Variants in CCDC7 observed in about 807,000 individuals in gnomAD.
The protein encoded by CCDC7 is coiled-coil domain-containing protein 7.
Under a neutral mutation model 196.9 loss-of-function variants are expected in CCDC7, and 183 were observed. The observed-to-expected ratio is 0.93, with a 90% CI of 0.82 to 1.05. The LOEUF is 1.05. CCDC7 is among the 50% of genes least tolerant of loss of function. The probability of loss-of-function intolerance (pLI) is 0.00; values close to 1 mark genes in which losing one functional copy is unlikely to be tolerated. For missense variants in CCDC7, 1,540 were observed against 1,482.2 expected, an observed-to-expected ratio of 1.04 and a Z score of -0.64; for synonymous variants, 525 against 484.6, an observed-to-expected ratio of 1.08 and a Z score of -1.10.
upstream of CCDC7, among the ~76,000 whole-genome samples, chr10:32,448,317 T>G (rs983555532): frequency 6.6e-6 from 1 of 151,708 alleles, no homozygotes; most frequent in African/African-American, 2.4e-5. Flanking sequence ...TATTTTTAAT[T>G]TTAATTTTTT....
intron 28 of CCDC7, among the ~76,000 whole-genome samples, chr10:32,746,494 C>G (rs2074762423): frequency 6.6e-6 from 1 of 152,150 alleles, no homozygotes; most frequent in Non-Finnish European, 1.5e-5. Flanking sequence ...TCCCTCAAGG[C>G]TTGCCATGCT....
At chr10:32,499,752 CTTCCGCA>C (rs1012598894) in intron 9 of CCDC7, among the ~76,000 whole-genome samples, 1 of 152,096 alleles carries the variant, frequency 6.6e-6, no homozygotes, top group African/African-American at 2.4e-5. Context: ...GCCCTGCCGC[CTTCCGCA>C]GTGTTTGTGT....
At chr10:32,731,153 T>C (rs1486126731) in intron 28 of CCDC7, among the ~76,000 whole-genome samples, 1 of 152,148 alleles carries the variant, frequency 6.6e-6, no homozygotes, top group Non-Finnish European at 1.5e-5. Flanking sequence ...TAGATTTTCC[T>C]TTGAACTCTG....
Position 32,525,905 on chromosome 10 carries a change from G to A in CCDC7, c.993+7400G>A, listed in dbSNP as rs547028873. ...TGCTGAGCCATCTGGAACTGGGGGT[G>A]TGTTGTGCAAGCACCCCTGTGGTCA... On this transcript the variant is annotated intron_variant, in intron 11 of 41. Transcript: ENST00000639629. Among the ~76,000 whole-genome samples, 7 of 152,292 alleles carry A rather than the reference G, an allele frequency of 4.6e-5. 1 individual carries two copies. Among genetic ancestry groups the A allele is most frequent in the South Asian group, 2.1e-4 (1 of 4,818 alleles).
intron 21 of CCDC7, among the ~76,000 whole-genome samples, chr10:32,668,964 G>A (rs892849345): frequency 6.6e-6 from 1 of 152,088 alleles, no homozygotes; most frequent in African/African-American, 2.4e-5. Context: ...AAGCATCCTT[G>A]TCTTGTTTCT....
intron 28 of CCDC7, 34 bp downstream of exon 29, chr10:32,729,491 T>C (rs911705847): frequency 3.9e-6 from 4 of 1,024,122 alleles, no homozygotes; most frequent in African/African-American, 1.6e-5. Context: ...ATAAATTGTT[T>C]TTATTAAATT....
chr10:32,474,448 G>T (rs2038610117), intron 8 of CCDC7, among the ~76,000 whole-genome samples: 1 of 151,486 alleles, frequency 6.6e-6, no homozygotes, highest in African/African-American at 2.4e-5. Context: ...TGTTGGCCAG[G>T]CTGGTCTTGA....
intron 31 of CCDC7, among the ~76,000 whole-genome samples, chr10:32,820,566 TACTAC>T (rs2089964859): frequency 6.6e-6 from 1 of 152,086 alleles, no homozygotes. Context: ...CTTCCAACTA[TACTAC>T]AAGGCTACAG....
At chr10:32,550,733 T>G (rs766618720) in intron 13 of CCDC7, among the ~76,000 whole-genome samples, 14 of 152,200 alleles carry the variant, frequency 9.2e-5, no homozygotes, top group Non-Finnish European at 5.9e-5. Context: ...CATCCCTGCA[T>G]CCCTGGTATG....
At chr10:32,640,389 A>T (rs1290016077) in intron 20 of CCDC7, among the ~76,000 whole-genome samples, 1 of 151,566 alleles carries the variant, frequency 6.6e-6, no homozygotes, top group Admixed American at 6.6e-5. Context: ...CTTTATTTTG[A>T]GCCTATGTGT....
chr10:32,746,361 T>C (rs1453162463), intron 28 of CCDC7, among the ~76,000 whole-genome samples: 2 of 152,184 alleles, frequency 1.3e-5, no homozygotes, highest in African/African-American at 4.8e-5. Context: ...ATTGTCCTGA[T>C]AGACATTTGA....
chr10:32,797,055 G>C (rs1169710827), intron 29 of CCDC7, among the ~76,000 whole-genome samples: 2 of 151,990 alleles, frequency 1.3e-5, no homozygotes, highest in South Asian at 2.1e-4. Context: ...TATATGAAAA[G>C]ATACTTGCAC....
At chr10:32,694,089 G>C (rs1189779229) in intron 23 of CCDC7, among the ~76,000 whole-genome samples, 1 of 152,196 alleles carries the variant, frequency 6.6e-6, no homozygotes, top group Non-Finnish European at 1.5e-5. Context: ...TAAATTATAT[G>C]ATGGGAGGAG....
chr10:32,673,685 G>GTGTGTGTGTA (rs1322109850), intron 21 of CCDC7, among the ~76,000 whole-genome samples: 3 of 150,118 alleles, frequency 2.0e-5, no homozygotes, highest in Admixed American at 6.8e-5. Flanking sequence ...GTGTGTGTGT[G>GTGTGTGTGTA]TGTAGTTTAG....
chr10:32,463,613 A>G (rs1468506132), intron 5 of CCDC7, among the ~76,000 whole-genome samples: 1 of 152,196 alleles, frequency 6.6e-6, no homozygotes, highest in African/African-American at 2.4e-5. Context: ...GGGTAGCTTT[A>G]CTGATTTACA....
At chr10:32,731,255 G>C (rs1321621808) in intron 28 of CCDC7, among the ~76,000 whole-genome samples, 1 of 152,116 alleles carries the variant, frequency 6.6e-6, no homozygotes, top group Non-Finnish European at 1.5e-5. Context: ...AATTACTACA[G>C]AGTGATTTTG....
At chr10:32,867,991 T>G (rs2094268544) in intron 41 of CCDC7, among the ~76,000 whole-genome samples, 1 of 151,978 alleles carries the variant, frequency 6.6e-6, no homozygotes. Context: ...CTACTATAAG[T>G]ACCTTATGTG....
intron 29 of CCDC7, among the ~76,000 whole-genome samples, chr10:32,784,371 C>G (rs11009081): frequency 0.34 from 52,130 of 151,852 alleles, 11,332 homozygotes; most frequent in Non-Finnish European, 0.49. Context: ...TAATGCTGTA[C>G]CGCACACCCC....
intron 16 of CCDC7, among the ~76,000 whole-genome samples, chr10:32,579,736 C>T (rs2058566498): frequency 6.6e-6 from 1 of 152,068 alleles, no homozygotes; most frequent in Non-Finnish European, 1.5e-5. Flanking sequence ...CCTTAGCTAC[C>T]TGATCACTAT....
Sources: allele counts gnomAD v4.1 joint callset (sites outside exome capture counted in the v4.1 genomes callset), GRCh38; gene constraint gnomAD v4.1.1; transcripts MANE v1.5; gene names NCBI Gene and HGNC (gene_info 2026-07-23, HGNC 2026-07-21).